Variants in UNC13C observed in about 807,000 individuals in gnomAD.
UNC13C encodes unc-13 homolog C, also known as protein unc-13 homolog C.
UNC13C carries 174 observed loss-of-function variants against 245.4 expected under a neutral mutation model. The ratio of observed to expected loss-of-function variants is 0.71; its 90% CI spans 0.63 to 0.80. The LOEUF is 0.80. Among genes scored for constraint, UNC13C ranks in the 30% least tolerant of loss-of-function variants. UNC13C has a pLI of 0.00. For missense variants in UNC13C, 2,829 were observed against 2,602.9 expected (o/e 1.09, Z -1.89); for synonymous variants, 992 against 895.1 (o/e 1.11, Z -1.93).
intron 19 of UNC13C, among the ~76,000 whole-genome samples, chr15:54,438,004 A>G (rs1007172656): frequency 6.6e-6 from 1 of 151,880 alleles, no homozygotes; most frequent in Non-Finnish European, 1.5e-5. Context: ...AGTTAGCAGG[A>G]GTAAGTGCAT....
At chr15:54,073,616 G>A (rs542773919) in intron 2 of UNC13C, among the ~76,000 whole-genome samples, 100 of 152,196 alleles carry the variant, frequency 6.6e-4, no homozygotes, top group African/African-American at 1.4e-3. Flanking sequence ...TTTCATTTGC[G>A]TTGCTCTAAT....
At chr15:54,592,082 A>C (rs1383939354) in intron 30 of UNC13C, among the ~76,000 whole-genome samples, 1 of 152,064 alleles carries the variant, frequency 6.6e-6, no homozygotes, top group African/African-American at 2.4e-5. Context: ...CAGGTTATTT[A>C]ATTTCCATGT....
At chr15:54,568,920 A>G (rs762156501) in intron 30 of UNC13C, among the ~76,000 whole-genome samples, 3 of 152,180 alleles carry the variant, frequency 2.0e-5, no homozygotes, top group Non-Finnish European at 4.4e-5. Flanking sequence ...ATACTGTCCA[A>G]TTAAAAACTA....
chr15:53,966,567 A>T, the UNC13C span, among the ~76,000 whole-genome samples: 1 of 151,792 alleles, frequency 6.6e-6, no homozygotes, highest in East Asian at 1.9e-4. Flanking sequence ...TACTTACTTT[A>T]TTTTTTTTAA....
chr15:54,050,169 A>C, intron 2 of UNC13C: 2 of 454,700 alleles, frequency 4.4e-6, no homozygotes, highest in South Asian at 3.3e-5. Flanking sequence ...CAGGGGTTTC[A>C]CCATGTTGGC....
At position 54,418,789 on chromosome 15, in the gene UNC13C, A is replaced by C. The variant is rs553127763; in HGVS notation, c.4933+3722A>C. Among the ~76,000 whole-genome samples, 6 of 152,256 alleles carry C rather than the reference A, an allele frequency of 3.9e-5. No individual in the cohort carries two copies. The East Asian group carries it at 1.2e-3, about 29-fold the overall frequency. ...AATTAGCATCCGCTTTTCACCTCTA[A>C]ACACGTATCTCAGAAATTTAGGAGA... is the stretch of plus-strand genomic sequence containing the variant. On this transcript the variant is annotated intron_variant, in intron 19 of 32. Transcript: ENST00000260323.
At chr15:54,104,011 G>A (rs576864766) in intron 2 of UNC13C, among the ~76,000 whole-genome samples, 1 of 152,306 alleles carries the variant, frequency 6.6e-6, no homozygotes, top group South Asian at 2.1e-4. Flanking sequence ...CCAAAGTGCT[G>A]GGATTACAGG....
intron 4 of UNC13C, among the ~76,000 whole-genome samples, chr15:54,222,340 C>T (rs758809229): frequency 2.6e-5 from 4 of 152,060 alleles, no homozygotes; most frequent in African/African-American, 7.2e-5. Flanking sequence ...AGTAAGTGAG[C>T]GTATGCAGTT....
chr15:54,015,884 G>C lies in UNC13C; in HGVS notation c.2981G>C (p.Gly994Ala), dbSNP rs762215073. The C allele has an allele frequency of 1.9e-6, 3 of 1,573,080 alleles. No homozygotes were observed. The highest frequency in any genetic ancestry group is 4.5e-5 in the East Asian group (2 of 44,228). ...GAGTTGGAAGAGAAGATCTTGGCTG[G>C]AGGTATTCATGTTTAAATGCTACAT... Reference protein sequence around the residue: ...MAELEEKILAGDSSSVDEKAR... With the variant: ...MAELEEKILAADSSSVDEKAR... The change falls in exon 2 of 33, where the codon GGA (glycine) becomes GCA (alanine). Residue 994 changes from glycine (G) to alanine (A), a missense_variant and splice_region_variant. Gly to Ala is a moderately conservative substitution (Grantham distance 60, BLOSUM62 0). Transcript: ENST00000260323.
At chr15:54,436,782 T>G (rs1890244511) in intron 19 of UNC13C, among the ~76,000 whole-genome samples, 1 of 151,820 alleles carries the variant, frequency 6.6e-6, no homozygotes, top group Non-Finnish European at 1.5e-5. Context: ...TATACCTATG[T>G]AACAAACCTG....
intron 17 of UNC13C, among the ~76,000 whole-genome samples, chr15:54,342,393 T>C (rs1256892865): frequency 6.6e-6 from 1 of 152,156 alleles, no homozygotes; most frequent in Non-Finnish European, 1.5e-5. Context: ...AGCAAGACCC[T>C]ATCTCTACAA....
upstream of UNC13C, among the ~76,000 whole-genome samples, chr15:53,975,205 C>A (rs1028390403): frequency 3.3e-5 from 5 of 152,218 alleles, no homozygotes; most frequent in Non-Finnish European, 7.3e-5. Context: ...AAGAACAGAA[C>A]TTAACGTGTG....
chr15:54,120,251 T>A (rs1346932717), intron 2 of UNC13C, among the ~76,000 whole-genome samples: 1 of 152,162 alleles, frequency 6.6e-6, no homozygotes, highest in African/African-American at 2.4e-5. Context: ...ATGCAGCTGG[T>A]GACTCTAAGC....
At chr15:54,223,013 GAT>G (rs200015830) in intron 4 of UNC13C, among the ~76,000 whole-genome samples, 7,018 of 152,124 alleles carry the variant, frequency 0.046, 306 homozygotes, top group East Asian at 0.23. Flanking sequence ...CGCATGGATA[GAT>G]TGCAAATATT....
At chr15:54,299,922 T>G (rs1313917509) in intron 12 of UNC13C, among the ~76,000 whole-genome samples, 1 of 152,184 alleles carries the variant, frequency 6.6e-6, no homozygotes, top group Non-Finnish European at 1.5e-5. Flanking sequence ...AGCCTGTTAC[T>G]GTCAGAGACC....
intron 2 of UNC13C, among the ~76,000 whole-genome samples, chr15:54,055,564 A>T (rs899849246): frequency 6.6e-6 from 1 of 152,222 alleles, no homozygotes; most frequent in African/African-American, 2.4e-5. Flanking sequence ...ATGTCTAGAC[A>T]AAATGCAAAT....
chr15:54,070,576 T>A (rs542003120), intron 2 of UNC13C, among the ~76,000 whole-genome samples: 2 of 152,278 alleles, frequency 1.3e-5, no homozygotes, highest in Non-Finnish European at 2.9e-5. Context: ...TTAGCTTGCA[T>A]AGGTTTTTTT....
the UNC13C span, among the ~76,000 whole-genome samples, chr15:53,928,315 T>A: frequency 6.6e-6 from 1 of 152,242 alleles, no homozygotes; most frequent in Non-Finnish European, 1.5e-5. Context: ...AGGAATAGGT[T>A]GGGCTAGTTA....
intron 1 of UNC13C, among the ~76,000 whole-genome samples, chr15:53,995,173 A>G (rs1894563469): frequency 6.6e-6 from 1 of 152,196 alleles, no homozygotes; most frequent in South Asian, 2.1e-4. Flanking sequence ...CAACAAACAA[A>G]TAGGAATTAA....
Sources: allele counts gnomAD v4.1 joint callset (sites outside exome capture counted in the v4.1 genomes callset), GRCh38; gene constraint gnomAD v4.1.1; transcripts MANE v1.5; gene names NCBI Gene and HGNC (gene_info 2026-07-23, HGNC 2026-07-21).